The following RERE variants were observed in gnomAD, a reference collection of about 807,000 sequenced individuals.
RERE encodes the protein arginine-glutamic acid dipeptide repeats protein.
Under a neutral mutation model 146.1 loss-of-function variants are expected in RERE, and 40 were observed. The ratio of observed to expected loss-of-function variants is 0.27; its 90% CI spans 0.21 to 0.36. The LOEUF (loss-of-function observed/expected upper bound fraction) is 0.36, where lower values mean the gene tolerates loss of function less well. RERE is among the 10% of genes least tolerant of loss of function. The probability of loss-of-function intolerance (pLI) is 1.00; values close to 1 mark genes in which losing one functional copy is unlikely to be tolerated. For synonymous variants in RERE, 1,003 were observed against 866.0 expected, an observed-to-expected ratio of 1.16 and a Z score of -2.78; for missense variants, 1,933 against 2,138.7, an observed-to-expected ratio of 0.90 and a Z score of 1.90.
intron 2 of RERE, among the ~76,000 whole-genome samples, chr1:8,633,285 C>T (rs200855242): frequency 1.3e-5 from 2 of 152,254 alleles, no homozygotes; most frequent in African/African-American, 2.4e-5. Context: ...TAGCTGGGCA[C>T]GGTGGCAGGC....
chr1:8,478,516 G>A (rs564413089), intron 10 of RERE, among the ~76,000 whole-genome samples: 7 of 152,266 alleles, frequency 4.6e-5, no homozygotes, highest in East Asian at 1.9e-4. Flanking sequence ...GAGCAGGAAG[G>A]ACAGGAGTGG....
intron 1 of RERE, among the ~76,000 whole-genome samples, chr1:8,734,085 C>CAAA (rs1426160216): frequency 6.6e-6 from 1 of 151,540 alleles, no homozygotes; most frequent in South Asian, 2.1e-4. Context: ...CCAGTCTAGG[C>CAAA]AAAAAGGTGA....
intron 12 of RERE, among the ~76,000 whole-genome samples, chr1:8,410,161 T>A (rs1279407174): frequency 6.6e-6 from 1 of 152,012 alleles, no homozygotes; most frequent in Non-Finnish European, 1.5e-5. Flanking sequence ...CACACATGCA[T>A]GCATACCTGC....
At chr1:8,741,082 AAT>A (rs1640297997) in intron 1 of RERE, among the ~76,000 whole-genome samples, 1 of 152,212 alleles carries the variant, frequency 6.6e-6, no homozygotes, top group Non-Finnish European at 1.5e-5. Context: ...ACACATGAGT[AAT>A]ATACTGGGCT....
chr1:8,672,778 T>C (rs1407142573), intron 1 of RERE, among the ~76,000 whole-genome samples: 2 of 152,170 alleles, frequency 1.3e-5, no homozygotes, highest in Non-Finnish European at 2.9e-5. Flanking sequence ...CTTCACACTT[T>C]ACAGTGTCTC....
At chr1:8,427,267 T>C (rs115846081) in intron 11 of RERE, among the ~76,000 whole-genome samples, 3,372 of 152,252 alleles carry the variant, frequency 0.022, 65 homozygotes, top group Non-Finnish European at 0.037. Context: ...AGCTGACCTC[T>C]TGCTCCATGA....
chr1:8,594,847 G>A (rs1337608988), intron 4 of RERE, among the ~76,000 whole-genome samples: 1 of 152,108 alleles, frequency 6.6e-6, no homozygotes, highest in Non-Finnish European at 1.5e-5. Flanking sequence ...GCCCTGATGA[G>A]CAAAAGCATA....
chr1:8,520,754 T>TAAAAAAA (rs145670197), intron 7 of RERE, among the ~76,000 whole-genome samples: 1,740 of 92,780 alleles, frequency 0.019, 58 homozygotes, highest in East Asian at 0.16. Context: ...AAAAACTTTT[T>TAAAAAAA]AAAAAAAAAA....
At chr1:8,790,121 G>T (rs889515150) in intron 1 of RERE, among the ~76,000 whole-genome samples, 8 of 152,158 alleles carry the variant, frequency 5.3e-5, no homozygotes, top group Non-Finnish European at 8.8e-5. Flanking sequence ...ACAGATCCTG[G>T]ATGGAAAGAT....
At chr1:8,531,397 T>C (rs1364818234) in intron 7 of RERE, among the ~76,000 whole-genome samples, 1 of 151,238 alleles carries the variant, frequency 6.6e-6, no homozygotes, top group Admixed American at 6.6e-5. Context: ...GAGGCCAGAC[T>C]GCACCACTGC....
In RERE at chr1:8,516,227, G is replaced by GGAAAAAAAAAAAAAAAA. The variant is rs573135224; in HGVS notation, c.831-7553_831-7552insTTTTTTTTTTTTTTTTC. Among the ~76,000 whole-genome samples, 11 of 52,304 alleles carry GGAAAAAAAAAAAAAAAA rather than the reference G, an allele frequency of 2.1e-4. 1 individual carries two copies. The highest frequency in any genetic ancestry group is 8.6e-4 in the African/African-American group (10 of 11,624). 34.3% of individuals were successfully genotyped at this position (52,304 alleles called of 152,430 possible). A position where few individuals can be genotyped will look rare whatever the true frequency, so the allele number is the denominator to read the frequency against. The stretch of plus-strand genomic sequence containing the variant: ...GGGACGGAGCAAGACTCTCTCAGAG[G>GGAAAAAAAAAAAAAAAA]AAAAAAAAAAAAAAAAAAAAAATCT... On this transcript the variant is annotated intron_variant, in intron 7 of 22. Coordinates refer to ENST00000400908, the MANE Select transcript of RERE (RefSeq NM_001042681.2).
At chr1:8,760,131 T>C (rs1640724782) in intron 1 of RERE, among the ~76,000 whole-genome samples, 2 of 151,996 alleles carry the variant, frequency 1.3e-5, no homozygotes, top group African/African-American at 4.8e-5. Context: ...GTTCAAGCAA[T>C]TCTCCTGCCT....
At chr1:8,698,669 T>C (rs183769997) in intron 1 of RERE, among the ~76,000 whole-genome samples, 7 of 152,268 alleles carry the variant, frequency 4.6e-5, no homozygotes, top group African/African-American at 1.7e-4. Context: ...ACTTTACTTT[T>C]TCTATTTTTA....
intron 1 of RERE, among the ~76,000 whole-genome samples, chr1:8,791,172 A>G (rs1436611596): frequency 1.3e-5 from 2 of 152,232 alleles, no homozygotes; most frequent in Non-Finnish European, 2.9e-5. Flanking sequence ...ACATGAGGTC[A>G]CACACCCACA....
intron 8 of RERE, among the ~76,000 whole-genome samples, chr1:8,500,556 G>A (rs1190708722): frequency 3.3e-5 from 5 of 152,272 alleles, no homozygotes; most frequent in East Asian, 1.9e-4. Flanking sequence ...ATCTCGGCTC[G>A]CTACAACCTC....
chr1:8,769,734 C>T (rs1569756194), intron 1 of RERE, among the ~76,000 whole-genome samples: 2 of 152,156 alleles, frequency 1.3e-5, no homozygotes, highest in East Asian at 3.8e-4. Context: ...GCCTCAGCCT[C>T]CCGAAATGCT....
intron 12 of RERE, among the ~76,000 whole-genome samples, chr1:8,394,977 G>A (rs1466594022): frequency 5.5e-5 from 8 of 146,060 alleles, no homozygotes; most frequent in Non-Finnish European, 4.4e-5. Context: ...GAGTGGTTGA[G>A]TGAGTAAATA....
intron 3 of RERE, among the ~76,000 whole-genome samples, chr1:8,620,808 C>T (rs1646907451): frequency 1.3e-5 from 2 of 151,846 alleles, no homozygotes; most frequent in Non-Finnish European, 2.9e-5. Context: ...CTGCTTTTGA[C>T]TACTTCTTCC....
intron 1 of RERE, among the ~76,000 whole-genome samples, chr1:8,667,574 G>C (rs1638606328): frequency 6.6e-6 from 1 of 152,196 alleles, no homozygotes; most frequent in African/African-American, 2.4e-5. Context: ...CTACTTGGGA[G>C]GCTGAGGCAG....
Sources: gnomAD v4.1 joint callset for allele counts (sites outside exome capture counted in the v4.1 genomes callset) on GRCh38, gnomAD v4.1.1 for gene constraint, MANE v1.5 for transcripts, NCBI Gene and HGNC (gene_info 2026-07-23, HGNC 2026-07-21) for gene names.